Variants in OSBP observed in about 807,000 individuals in gnomAD.
OSBP encodes oxysterol-binding protein 1.
Under a neutral mutation model 96.6 loss-of-function variants are expected in OSBP, and 32 were observed. The observed-to-expected ratio is 0.33, with a 90% CI of 0.25 to 0.45. The LOEUF (loss-of-function observed/expected upper bound fraction) is 0.45. OSBP is among the 20% of genes least tolerant of loss of function. OSBP has a pLI of 1.00. For missense variants in OSBP, 653 were observed against 1,029.7 expected (o/e 0.63, Z 5.01); for synonymous variants, 369 against 389.6 (o/e 0.95, Z 0.62).
At chr11:59,610,047 G>T (rs560210055) in intron 2 of OSBP, among the ~76,000 whole-genome samples, 114 of 152,232 alleles carry the variant, frequency 7.5e-4, no homozygotes, top group African/African-American at 2.7e-3. Flanking sequence ...TTTCAACCTT[G>T]GCCAGATAAT....
rs761633183 is a variant in OSBP, at chr11:59,574,475, T to C, written c.*2102A>G. 1.3e-5 allele frequency: 2 copies of C among 152,240 alleles called. No homozygotes were observed. The highest frequency in any genetic ancestry group is 2.9e-5 in the Non-Finnish European group (2 of 67,994). 9.4% of individuals were successfully genotyped at this position (152,240 alleles called of 1,614,324 possible). Reference sequence around the variant, plus strand: ...CAATAAGGCAAAAAAACTGAAAATATATATAGTTGTGTTTTGTTTTCATGT... The same window carrying C: ...CAATAAGGCAAAAAAACTGAAAATACATATAGTTGTGTTTTGTTTTCATGT... On this transcript the variant is annotated 3_prime_UTR_variant, in exon 14 of 14. Transcript: ENST00000263847.
intron 9 of OSBP, among the ~76,000 whole-genome samples, chr11:59,588,728 G>T (rs1860534183): frequency 6.6e-6 from 1 of 151,960 alleles, no homozygotes; most frequent in Non-Finnish European, 1.5e-5. Context: ...ATTGGAGGCT[G>T]GGCGCAGTGG....
intron 7 of OSBP, among the ~76,000 whole-genome samples, chr11:59,599,575 T>C (rs1202112784): frequency 6.6e-6 from 1 of 152,194 alleles, no homozygotes; most frequent in Non-Finnish European, 1.5e-5. Context: ...TGATACACAC[T>C]GTTTACACCA....
chr11:59,597,340 G>C (rs567439455), intron 7 of OSBP, among the ~76,000 whole-genome samples: 1 of 151,946 alleles, frequency 6.6e-6, no homozygotes. Context: ...GTGGGCCACC[G>C]CGCATGGCAC....
intron 9 of OSBP, among the ~76,000 whole-genome samples, chr11:59,588,372 A>G (rs1042907262): frequency 1.3e-5 from 2 of 151,864 alleles, no homozygotes; most frequent in African/African-American, 4.8e-5. Flanking sequence ...CATCTCTACT[A>G]AAACAACACA....
intron 3 of OSBP, among the ~76,000 whole-genome samples, chr11:59,602,207 T>TA (rs1406568510): frequency 6.8e-4 from 104 of 152,266 alleles, no homozygotes; most frequent in African/African-American, 2.3e-3. Flanking sequence ...ACACACAGGA[T>TA]AACTGCTTTC....
In OSBP at chr11:59,610,350, GTTCCCC is replaced by G; in HGVS notation, c.571+25_571+30del. ...TGTGCATAAAAGGGGCAAAAAGAAA[GTTCCCC>G]AGGCAGGTGTTCTTTGTTCCTGACC... On this transcript the variant is annotated intron_variant, in intron 2 of 13. Coordinates refer to ENST00000263847, the MANE Select transcript of OSBP (RefSeq NM_002556.3). The G allele has an allele frequency of 3.1e-6, 5 of 1,594,946 alleles. No homozygotes were observed. The South Asian group carries it at 4.4e-5, about 14-fold the overall frequency.
At position 59,610,692 on chromosome 11, in the gene OSBP, G is replaced by A; in HGVS notation, c.363-103C>T. The A allele has an allele frequency of 2.2e-5, 20 of 930,088 alleles. No individual in the cohort carries two copies. The South Asian group carries it at 2.9e-4, about 13-fold the overall frequency. 57.6% of individuals were successfully genotyped at this position (930,088 alleles called of 1,614,324 possible). Reference sequence around the variant, plus strand: ...CTCTGAGCTCCCTGAAAATATGACAGTCTTAGGAATCAGCAAGTTCTAGTC... The same window carrying A: ...CTCTGAGCTCCCTGAAAATATGACAATCTTAGGAATCAGCAAGTTCTAGTC... On this transcript the variant is annotated intron_variant, in intron 1 of 13. Coordinates refer to ENST00000263847, the MANE Select transcript of OSBP (RefSeq NM_002556.3).
intron 3 of OSBP, 133 bp from the exon 4 acceptor site, chr11:59,601,971 T>C (rs1242258999): frequency 1.4e-6 from 1 of 732,122 alleles, no homozygotes; most frequent in Non-Finnish European, 2.2e-6. Context: ...TTCCCTTTTA[T>C]GCCAAGGTAT....
Position 59,607,406 on chromosome 11 carries a change from G to A in OSBP, c.822+1078C>T, listed in dbSNP as rs7115148. On this transcript the variant is annotated intron_variant, in intron 3 of 13. Transcript: ENST00000263847. ...TGTAATTTGTCTTTTTACTTTGTGTGAATCACAGCACTGAAGATAGTGTTA... is the reference window on the plus strand; with the variant it reads ...TGTAATTTGTCTTTTTACTTTGTGTAAATCACAGCACTGAAGATAGTGTTA... 4.1e-3 allele frequency among the ~76,000 whole-genome samples: 625 copies of A among 152,180 alleles called. 5 individuals carry two copies. The highest frequency in any genetic ancestry group is 0.014 in the African/African-American group (596 of 41,502).
rs1384507451 is a variant in OSBP at position 59,591,241 on chromosome 11, A to G, written c.1678+2363T>C. On this transcript the variant is annotated intron_variant, in intron 9 of 13. Transcript: ENST00000263847. ...TAACAAATTACTAAAAATTAGAAAA[A>G]AAATTAGATCCACCATCTATACCAT... 2.6e-5 allele frequency among the ~76,000 whole-genome samples: 4 copies of G among 152,350 alleles called. No individual in the cohort carries two copies. The East Asian group carries it at 7.7e-4, about 29-fold the overall frequency.
At position 59,575,228 on chromosome 11, in the gene OSBP, A is replaced by T. The variant is rs1233528362; in HGVS notation, c.*1349T>A. Reference sequence around the variant, plus strand: ...CCACACTCTTCCTGAAAAGAGAAAGAAAAGAGGCAGGAAAGAGGTTAGGAT... The same window carrying T: ...CCACACTCTTCCTGAAAAGAGAAAGTAAAGAGGCAGGAAAGAGGTTAGGAT... On this transcript the variant is annotated 3_prime_UTR_variant, in exon 14 of 14. Coordinates refer to ENST00000263847, the MANE Select transcript of OSBP (RefSeq NM_002556.3). 6.6e-6 allele frequency: 1 copy of T among 152,226 alleles called. No individual in the cohort carries two copies. The highest frequency in any genetic ancestry group is 2.4e-5 in the African/African-American group (1 of 41,438). The allele number at this position is 152,226 out of a possible 1,614,324, so 9.4% of individuals were successfully genotyped here. A position where few individuals can be genotyped will look rare whatever the true frequency, so the allele number is the denominator to read the frequency against.
chr11:59,605,080 G>C (rs1004970166), intron 3 of OSBP, among the ~76,000 whole-genome samples: 3 of 151,488 alleles, frequency 2.0e-5, no homozygotes, highest in African/African-American at 4.8e-5. Context: ...TTGAACCCGG[G>C]AGGCGGAGGT....
At chr11:59,591,627 C>CTTT (rs530339994) in intron 9 of OSBP, among the ~76,000 whole-genome samples, 1 of 139,032 alleles carries the variant, frequency 7.2e-6, no homozygotes, top group Non-Finnish European at 1.6e-5. Context: ...TTTTCTTTTC[C>CTTT]TTTTTTTTTT....
chr11:59,576,235 C>A lies in OSBP; in HGVS notation c.*342G>T. On this transcript the variant is annotated 3_prime_UTR_variant, in exon 14 of 14. Coordinates refer to ENST00000263847, the MANE Select transcript of OSBP (RefSeq NM_002556.3). ...CAGATCTTGGCTGAGCAGGATACTA[C>A]AAGGGGAGGGTGAGTGACATTGTCT... The A allele has an allele frequency of 4.7e-6, 1 of 215,034 alleles. No homozygotes were observed. The highest frequency in any genetic ancestry group is 1.2e-4 in the East Asian group (1 of 8,588). The allele number at this position is 215,034 out of a possible 1,614,324, so 13.3% of individuals were successfully genotyped here. A position where few individuals can be genotyped will look rare whatever the true frequency, so the allele number is the denominator to read the frequency against.
rs1860359617 is a variant in OSBP at position 59,576,210 on chromosome 11, C to G, written c.*367G>C. ...AATGCCCCTGAATCATAATCTTAGG[C>G]AGATCTTGGCTGAGCAGGATACTAC... On this transcript the variant is annotated 3_prime_UTR_variant, in exon 14 of 14. Transcript: ENST00000263847. 1.6e-5 allele frequency: 3 copies of G among 182,268 alleles called. No individual in the cohort carries two copies. Among genetic ancestry groups the G allele is most frequent in the African/African-American group, 7.1e-5 (3 of 42,396 alleles). The allele number at this position is 182,268 out of a possible 1,614,324, so 11.3% of individuals were successfully genotyped here. A position where few individuals can be genotyped will look rare whatever the true frequency, so the allele number is the denominator to read the frequency against.
chr11:59,615,679 T>C lies in OSBP; in HGVS notation c.-15A>G. 2 of 1,308,458 alleles carry C rather than the reference T, an allele frequency of 1.5e-6. No individual in the cohort carries two copies. The highest frequency in any genetic ancestry group is 2.1e-5 in the South Asian group (1 of 47,344). The allele number at this position is 1,308,458 out of a possible 1,614,324, so 81.1% of individuals were successfully genotyped here. Reference sequence around the variant, plus strand: ...GTCGCCGCCATGAGCCGCCGCCGCCTGGAGATACAAGACCGGAACCGCCTA... The same window carrying C: ...GTCGCCGCCATGAGCCGCCGCCGCCCGGAGATACAAGACCGGAACCGCCTA... On this transcript the variant is annotated 5_prime_UTR_variant, in exon 1 of 14. Coordinates refer to ENST00000263847, the MANE Select transcript of OSBP (RefSeq NM_002556.3).
intron 9 of OSBP, among the ~76,000 whole-genome samples, chr11:59,588,674 G>C (rs1444412782): frequency 6.6e-6 from 1 of 152,044 alleles, no homozygotes; most frequent in Admixed American, 6.6e-5. Flanking sequence ...TTAAGAATGG[G>C]TAAGGTGCTA....
intron 9 of OSBP, among the ~76,000 whole-genome samples, chr11:59,591,827 G>C (rs943034249): frequency 1.3e-5 from 2 of 151,824 alleles, no homozygotes; most frequent in Non-Finnish European, 2.9e-5. Context: ...CACCATGTTG[G>C]CCAGGCTGGT....
Sources: allele counts gnomAD v4.1 joint callset (sites outside exome capture counted in the v4.1 genomes callset), GRCh38; gene constraint gnomAD v4.1.1; transcripts MANE v1.5; gene names NCBI Gene and HGNC (gene_info 2026-07-23, HGNC 2026-07-21).